Variants in THAP12 observed in about 807,000 individuals in gnomAD.
THAP12 encodes 52 kDa repressor of the inhibitor of the protein kinase.
Under a neutral mutation model 63.0 loss-of-function variants are expected in THAP12, and 20 were observed. That is an observed-to-expected ratio of 0.32 (90% confidence interval 0.22 to 0.46). The LOEUF (loss-of-function observed/expected upper bound fraction) is 0.46. Among genes scored for constraint, THAP12 ranks in the 20% least tolerant of loss-of-function variants. THAP12 has a pLI of 1.00. For synonymous variants in THAP12, 264 were observed against 328.4 expected, an observed-to-expected ratio of 0.80 and a Z score of 2.12; for missense variants, 568 against 908.2, an observed-to-expected ratio of 0.63 and a Z score of 4.81.
At chr11:76,369,769 C>T (rs374297087) in intron 1 of THAP12, among the ~76,000 whole-genome samples, 7 of 152,262 alleles carry the variant, frequency 4.6e-5, no homozygotes, top group Non-Finnish European at 7.3e-5. Flanking sequence ...CACAGAAACA[C>T]GGCACGTGTT....
At chr11:76,358,335 T>C (rs750058952) in intron 3 of THAP12, 1 of 152,092 alleles carries the variant, frequency 6.6e-6, no homozygotes, top group African/African-American at 2.4e-5. Context: ...TATTGACCAA[T>C]TGAATCCAAT....
chr11:76,368,999 T>C (rs1946651813), intron 1 of THAP12, among the ~76,000 whole-genome samples: 1 of 152,142 alleles, frequency 6.6e-6, no homozygotes, highest in Non-Finnish European at 1.5e-5. Context: ...GCAATACATA[T>C]ATCTAACAAT....
intron 1 of THAP12, among the ~76,000 whole-genome samples, chr11:76,371,474 A>C (rs1162649133): frequency 6.6e-6 from 1 of 152,238 alleles, no homozygotes; most frequent in Non-Finnish European, 1.5e-5. Context: ...ATGCACACAG[A>C]AAACTCCAGG....
Position 76,380,979 on chromosome 11 carries a change from G to C in THAP12, c.-143C>G, listed in dbSNP as rs1022320419. ...GCGCGGGGGAGGGGCGGGCGGGCTA[G>C]AAGCCGCGAGGGCCAGGAGGGGTGC... On this transcript the variant is annotated 5_prime_UTR_variant, in exon 1 of 5. Transcript: ENST00000260045. 8.7e-6 allele frequency: 3 copies of C among 345,478 alleles called. No homozygotes were observed. Among genetic ancestry groups the C allele is most frequent in the African/African-American group, 6.6e-5 (3 of 45,468 alleles). The allele number at this position is 345,478 out of a possible 1,614,324, so 21.4% of individuals were successfully genotyped here.
intron 1 of THAP12, 60 bp from the exon 2 acceptor site, chr11:76,366,032 CAGTT>C: frequency 6.4e-7 from 1 of 1,566,918 alleles, no homozygotes; most frequent in Non-Finnish European, 8.7e-7. Flanking sequence ...TTTCAGCCTT[CAGTT>C]TTAAGGCAAA....
At chr11:76,366,036 T>C in intron 1 of THAP12, 64 bp from the exon 2 acceptor site, 2 of 1,553,670 alleles carry the variant, frequency 1.3e-6, no homozygotes, top group Non-Finnish European at 1.8e-6. Context: ...AGCCTTCAGT[T>C]TTAAGGCAAA....
intron 2 of THAP12, 51 bp downstream of exon 2, chr11:76,365,801 G>A: frequency 1.3e-6 from 2 of 1,578,116 alleles, no homozygotes; most frequent in Non-Finnish European, 1.7e-6. Context: ...GACACAGTGA[G>A]AGAGAGAAAT....
At chr11:76,380,004 T>C (rs1000136620) in intron 1 of THAP12, among the ~76,000 whole-genome samples, 5 of 152,188 alleles carry the variant, frequency 3.3e-5, no homozygotes, top group Admixed American at 2.6e-4. Flanking sequence ...GCTCGGCACA[T>C]AGTAGGCATT....
At chr11:76,371,184 A>G (rs1946671792) in intron 1 of THAP12, among the ~76,000 whole-genome samples, 3 of 152,206 alleles carry the variant, frequency 2.0e-5, no homozygotes, top group Non-Finnish European at 4.4e-5. Flanking sequence ...CGTGCTGCAG[A>G]GCATTTTTTA....
intron 2 of THAP12, among the ~76,000 whole-genome samples, chr11:76,361,793 T>C (rs1384831641): frequency 6.6e-6 from 1 of 152,250 alleles, no homozygotes; most frequent in Non-Finnish European, 1.5e-5. Flanking sequence ...GGAAGAATGA[T>C]CTGATGTTAT....
intron 1 of THAP12, among the ~76,000 whole-genome samples, chr11:76,378,923 T>C (rs962951925): frequency 2.6e-5 from 4 of 152,160 alleles, no homozygotes; most frequent in South Asian, 2.1e-4. Flanking sequence ...CATCTATTCT[T>C]GAATGTCTAT....
rs78027937 is a variant in THAP12, at chr11:76,352,048, A to G, written c.1102T>C (p.Leu368=). 2.4e-4 allele frequency: 380 copies of G among 1,611,418 alleles called. 1 individual carries two copies. In the African/African-American group the frequency reaches 4.8e-3, roughly 20 times the overall value. ...LCSSCALNMW[L]AKSVPVMGVS... is the part of the protein sequence containing the mutation. ...CCCATAACAGGTACTGATTTTGCCA[A>G]CCACATATTTAAGGCACAGGAAGAG... is the stretch of plus-strand genomic sequence containing the variant. The change falls in exon 5 of 5, where the codon TTG becomes CTG. Residue 368 remains leucine, a synonymous_variant. Transcript: ENST00000260045.
intron 1 of THAP12, among the ~76,000 whole-genome samples, chr11:76,379,296 C>T (rs1384608776): frequency 6.6e-6 from 1 of 152,186 alleles, no homozygotes; most frequent in Non-Finnish European, 1.5e-5. Flanking sequence ...ACTGGTCTTC[C>T]GGCTTTCACC....
chr11:76,372,714 T>C (rs1031581503), intron 1 of THAP12, among the ~76,000 whole-genome samples: 10 of 151,952 alleles, frequency 6.6e-5, no homozygotes, highest in Admixed American at 1.3e-4. Flanking sequence ...AGGGAGACCT[T>C]GTCTCTATAA....
intron 1 of THAP12, among the ~76,000 whole-genome samples, chr11:76,377,707 T>G (rs1283514145): frequency 1.3e-5 from 2 of 152,274 alleles, no homozygotes; most frequent in African/African-American, 4.8e-5. Context: ...TGAATGTGTG[T>G]ACATTTGGTT....
chr11:76,355,364 A>C (rs1028716046), intron 4 of THAP12, among the ~76,000 whole-genome samples: 1 of 152,192 alleles, frequency 6.6e-6, no homozygotes, highest in Non-Finnish European at 1.5e-5. Context: ...CACCCCTACC[A>C]CACTGAGAGA....
rs796283002 is a variant in THAP12 at position 76,377,505 on chromosome 11, T to TAA, written c.89+3241_89+3242dup. Among the ~76,000 whole-genome samples, 160 of 152,352 alleles carry TAA rather than the reference T, an allele frequency of 1.1e-3. 2 individuals carry two copies. The highest frequency in any genetic ancestry group is 3.7e-3 in the African/African-American group (154 of 41,586). ...TAATATAATAGAATCATACAACATA[T>TAA]AAGCTTTTGTATCTGACTTCTTTCA... On this transcript the variant is annotated intron_variant, in intron 1 of 4. Coordinates refer to ENST00000260045, the MANE Select transcript of THAP12 (RefSeq NM_004705.4).
rs1946531528 is a variant in THAP12 at position 76,352,134 on chromosome 11, T to C, written c.1016A>G (p.Lys339Arg). Residue 339 changes from lysine to arginine, a missense_variant, in exon 5 of 5, where the codon AAA (lysine) becomes AGA (arginine). Physicochemically the swap from Lys to Arg is conservative, Grantham distance 26 (BLOSUM62 2). Coordinates refer to ENST00000260045, the MANE Select transcript of THAP12 (RefSeq NM_004705.4). ...AAGTCTAGAAGCAACAACTTTCATT[T>C]TGGAAGAAAATCCACTAGAGACAAT... ...AYIVSSGFSS[K>R]MKVVASRLLE... is the part of the protein sequence containing the mutation. 3 of 1,611,838 alleles carry C rather than the reference T, an allele frequency of 1.9e-6. No homozygotes were observed. The highest frequency in any genetic ancestry group is 2.5e-6 in the Non-Finnish European group (3 of 1,179,806).
At position 76,352,505 on chromosome 11, in the gene THAP12, A is replaced by T. The variant is rs1265801397; in HGVS notation, c.645T>A (p.Val215=). The T allele has an allele frequency of 6.2e-7, 1 of 1,611,928 alleles. No individual in the cohort carries two copies. Among genetic ancestry groups the T allele is most frequent in the South Asian group, 1.1e-5 (1 of 90,998 alleles). ...CTGTTGTCTCAAACCGCTTTCTCAGAACCTCTTCACCAGAATTTATCCGAC... is the reference window on the plus strand; with the variant it reads ...CTGTTGTCTCAAACCGCTTTCTCAGTACCTCTTCACCAGAATTTATCCGAC... ...LECRINSGEE[V]LRKRFETTAV... Residue 215 remains valine (V), a synonymous_variant, in exon 5 of 5, where the codon GTT becomes GTA. Transcript: ENST00000260045.
Sources: gnomAD v4.1 joint callset for allele counts (sites outside exome capture counted in the v4.1 genomes callset) on GRCh38, gnomAD v4.1.1 for gene constraint, MANE v1.5 for transcripts, NCBI Gene and HGNC (gene_info 2026-07-23, HGNC 2026-07-21) for gene names.